Variants in PTPRN2 observed in about 807,000 individuals in gnomAD.
PTPRN2 encodes the protein protein tyrosine phosphatase receptor type N2.
A neutral mutation model predicts 118.8 loss-of-function variants in PTPRN2; 74 were observed. The observed-to-expected ratio is 0.62, with a 90% CI of 0.52 to 0.76. The LOEUF (loss-of-function observed/expected upper bound fraction) is 0.76. Ranked by LOEUF, PTPRN2 falls within the 30% of genes least tolerant of loss-of-function variation. PTPRN2 has a pLI of 0.00. For synonymous variants in PTPRN2, 641 were observed against 608.0 expected (o/e 1.05, Z -0.80); for missense variants, 1,481 against 1,394.4 (o/e 1.06, Z -0.99).
At chr7:157,830,504 C>T (rs1028453584) in intron 12 of PTPRN2, among the ~76,000 whole-genome samples, 3 of 151,592 alleles carry the variant, frequency 2.0e-5, no homozygotes, top group South Asian at 2.1e-4. Context: ...CATCACCACG[C>T]GGGGAGGGGT....
chr7:158,228,183 C>T (rs1332842377), intron 3 of PTPRN2, among the ~76,000 whole-genome samples: 2 of 152,150 alleles, frequency 1.3e-5, no homozygotes, highest in African/African-American at 2.4e-5. Context: ...TTCACTTTTA[C>T]ATTGAAAACA....
Position 157,596,710 on chromosome 7 carries a change from T to C in PTPRN2, c.2419-1395A>G, listed in dbSNP as rs1221516482. 6.6e-6 allele frequency among the ~76,000 whole-genome samples: 1 copy of C among 152,190 alleles called. No homozygotes were observed. The highest frequency in any genetic ancestry group is 1.5e-5 in the Non-Finnish European group (1 of 68,036). Reference sequence around the variant, plus strand: ...AGAGACCGACCCCCGGAGAGCCGGATGCTGCGCTGGGGGAACCTCACCTTG... The same window carrying C: ...AGAGACCGACCCCCGGAGAGCCGGACGCTGCGCTGGGGGAACCTCACCTTG... On this transcript the variant is annotated intron_variant, in intron 16 of 22. Coordinates refer to ENST00000389418, the MANE Select transcript of PTPRN2 (RefSeq NM_002847.5). This position sits in a 1 kb window ranked among gnomAD's most constrained non-coding sequence, Gnocchi z 4.2.
chr7:158,399,461 G>T (rs1368640040), intron 2 of PTPRN2, among the ~76,000 whole-genome samples: 1 of 152,176 alleles, frequency 6.6e-6, no homozygotes, highest in Admixed American at 6.5e-5. Flanking sequence ...AGAACAGCCT[G>T]GGCCACAAAG....
chr7:158,264,216 C>T (rs1416012680), intron 3 of PTPRN2, among the ~76,000 whole-genome samples: 2 of 152,166 alleles, frequency 1.3e-5, no homozygotes, highest in Non-Finnish European at 2.9e-5. Flanking sequence ...GTAACGACCG[C>T]CTGAAAATGT....
chr7:158,289,446 C>G (rs1304873880), intron 3 of PTPRN2, among the ~76,000 whole-genome samples: 3 of 152,182 alleles, frequency 2.0e-5, no homozygotes, highest in Non-Finnish European at 4.4e-5. Context: ...AGTTGACACT[C>G]TCTACTGCAT....
intron 12 of PTPRN2, among the ~76,000 whole-genome samples, chr7:157,719,692 T>A (rs1799127892): frequency 1.3e-5 from 2 of 151,998 alleles, no homozygotes; most frequent in Non-Finnish European, 2.9e-5. Flanking sequence ...GCCGGGGGAG[T>A]GGGCTCGGCC....
At chr7:158,547,302 T>C (rs755850968) in intron 1 of PTPRN2, among the ~76,000 whole-genome samples, 1 of 152,056 alleles carries the variant, frequency 6.6e-6, no homozygotes, top group Non-Finnish European at 1.5e-5. Context: ...AAAATTGAAC[T>C]TCATTCCCTG....
At chr7:158,442,147 G>T (rs1460257179) in intron 2 of PTPRN2, among the ~76,000 whole-genome samples, 2 of 150,854 alleles carry the variant, frequency 1.3e-5, no homozygotes, top group Non-Finnish European at 3.0e-5. Context: ...TGGCAGTGGT[G>T]GTGATGGTGA....
chr7:157,984,342 G>A (rs1216806706), intron 11 of PTPRN2, among the ~76,000 whole-genome samples: 1 of 102,562 alleles, frequency 9.8e-6, no homozygotes, highest in Non-Finnish European at 1.9e-5. Flanking sequence ...CCCATCCCAC[G>A]CCAGGCTCCA....
chr7:157,725,363 G>GAGCCAGACCCTCGCCTCCCAGGAGAAC (rs1563042202), intron 12 of PTPRN2, among the ~76,000 whole-genome samples: 1 of 18,096 alleles, frequency 5.5e-5, no homozygotes, highest in African/African-American at 3.1e-4. Flanking sequence ...ACAGAGGAGT[G>GAGCCAGACCCTCGCCTCCCAGGAGAAC]TGGCCAGACC....
intron 2 of PTPRN2, among the ~76,000 whole-genome samples, chr7:158,449,776 A>G (rs1440405733): frequency 6.6e-6 from 1 of 152,240 alleles, no homozygotes; most frequent in Non-Finnish European, 1.5e-5. Flanking sequence ...GGTGACCCTT[A>G]GTTCATTCAC....
intron 14 of PTPRN2, among the ~76,000 whole-genome samples, chr7:157,644,113 C>G (rs1284988077): frequency 2.7e-5 from 3 of 112,392 alleles, no homozygotes; most frequent in Non-Finnish European, 4.2e-5. Context: ...CCAGGTTACC[C>G]CGCAACATAA....
chr7:157,825,767 G>A (rs1047276936), intron 12 of PTPRN2, among the ~76,000 whole-genome samples: 3 of 152,178 alleles, frequency 2.0e-5, no homozygotes, highest in Admixed American at 2.0e-4. Context: ...GATCCCGGGG[G>A]AGCAGCAGCG....
chr7:158,325,654 G>A (rs1015535231), intron 2 of PTPRN2, among the ~76,000 whole-genome samples: 6 of 152,170 alleles, frequency 3.9e-5, no homozygotes, highest in East Asian at 3.9e-4. Flanking sequence ...CCCCAATTAC[G>A]AAGCCTTTGC....
intron 12 of PTPRN2, among the ~76,000 whole-genome samples, chr7:157,859,851 T>C (rs1217379401): frequency 4.2e-3 from 299 of 71,108 alleles, no homozygotes; most frequent in Middle Eastern, 0.01. Flanking sequence ...GAGCCCCAGC[T>C]ACTGTACACA....
chr7:158,240,809 C>T (rs1272185481), intron 3 of PTPRN2, among the ~76,000 whole-genome samples: 1 of 152,188 alleles, frequency 6.6e-6, no homozygotes, highest in African/African-American at 2.4e-5. Context: ...AATGGGGAGG[C>T]ATATTTTGCT....
At chr7:157,996,409 C>T (rs1054233173) in intron 11 of PTPRN2, among the ~76,000 whole-genome samples, 1 of 152,246 alleles carries the variant, frequency 6.6e-6, no homozygotes, top group African/African-American at 2.4e-5. Flanking sequence ...CACTTGGACC[C>T]CAAACATTCA....
chr7:157,749,549 C>T (rs1258832588), intron 12 of PTPRN2, among the ~76,000 whole-genome samples: 2 of 144,636 alleles, frequency 1.4e-5, no homozygotes, highest in Non-Finnish European at 3.0e-5. Context: ...GCCTGTGTCC[C>T]TGAGCTGCGG....
At chr7:157,737,360 G>C (rs553119636) in intron 12 of PTPRN2, among the ~76,000 whole-genome samples, 2 of 152,210 alleles carry the variant, frequency 1.3e-5, no homozygotes, top group African/African-American at 2.4e-5. Flanking sequence ...GCCTCAGCAC[G>C]ACCTCAACCT....
Sources: allele counts gnomAD v4.1 joint callset (sites outside exome capture counted in the v4.1 genomes callset), GRCh38; gene constraint gnomAD v4.1.1; non-coding constraint Gnocchi (gnomAD v3.1); transcripts MANE v1.5; gene names NCBI Gene and HGNC (gene_info 2026-07-23, HGNC 2026-07-21).